Variants in SPON1 observed in about 807,000 individuals in gnomAD.
The protein encoded by SPON1 is spondin 1.
Under a neutral mutation model 111.7 loss-of-function variants are expected in SPON1, and 52 were observed. The ratio of observed to expected loss-of-function variants is 0.47; its 90% CI spans 0.37 to 0.59. The LOEUF is 0.59. Among genes scored for constraint, SPON1 ranks in the 20% least tolerant of loss-of-function variants. The probability of loss-of-function intolerance (pLI) is 0.00; values close to 1 mark genes in which losing one functional copy is unlikely to be tolerated. For missense variants in SPON1, 957 were observed against 1,068.5 expected (o/e 0.90, Z 1.46); for synonymous variants, 410 against 395.8 (o/e 1.04, Z -0.43).
chr11:14,156,755 C>A (rs1210959853), intron 6 of SPON1, among the ~76,000 whole-genome samples: 1 of 152,060 alleles, frequency 6.6e-6, no homozygotes, highest in Non-Finnish European at 1.5e-5. Flanking sequence ...ATAGGGAATC[C>A]TTTCCCCATT....
intron 15 of SPON1, 78 bp downstream of exon 15, chr11:14,263,053 T>TAAAAAAA: frequency 7.4e-6 from 7 of 952,286 alleles, no homozygotes; most frequent in Admixed American, 3.4e-5. Flanking sequence ...TGGACCTGTT[T>TAAAAAAA]AAAAAAAAAA....
intron 6 of SPON1, among the ~76,000 whole-genome samples, chr11:14,154,149 G>C (rs1847815695): frequency 6.6e-6 from 1 of 152,154 alleles, no homozygotes; most frequent in Non-Finnish European, 1.5e-5. Flanking sequence ...CTACCATTCT[G>C]GGGTCTGGAG....
intron 5 of SPON1, among the ~76,000 whole-genome samples, chr11:14,108,011 A>G (rs934135342): frequency 2.0e-5 from 3 of 151,954 alleles, no homozygotes; most frequent in Admixed American, 2.0e-4. Context: ...CACCTATCTC[A>G]TGAAGCAGTT....
Position 14,259,477 on chromosome 11 carries a change from C to G in SPON1, c.1663+27C>G. 1 of 1,591,692 alleles carries G rather than the reference C, an allele frequency of 6.3e-7. No individual in the cohort carries two copies. Among genetic ancestry groups the G allele is most frequent in the Non-Finnish European group, 8.6e-7 (1 of 1,169,184 alleles). ...TGAGTGGGGGCCCCGGGCGGGCAGG[C>G]GGGCAAGTAGGTCGGGGAGGCAGCA... On this transcript the variant is annotated intron_variant, in intron 12 of 15. Transcript: ENST00000576479. This position sits in a 1 kb window ranked among gnomAD's most constrained non-coding sequence, Gnocchi z 5.0.
At chr11:14,243,156 G>A (rs530576197) in intron 6 of SPON1, among the ~76,000 whole-genome samples, 176 bp from the exon 7 acceptor site, 141 of 152,278 alleles carry the variant, frequency 9.3e-4, no homozygotes, top group Non-Finnish European at 7.8e-4. Context: ...CCCCTCTCCC[G>A]GTATCACTGA....
At chr11:13,985,176 G>T (rs1342442610) in intron 2 of SPON1, among the ~76,000 whole-genome samples, 1 of 152,210 alleles carries the variant, frequency 6.6e-6, no homozygotes, top group Admixed American at 6.5e-5. Context: ...ATTCTAATGA[G>T]ACATAGACCA....
chr11:14,139,709 AAT>A (rs57464043), intron 6 of SPON1, among the ~76,000 whole-genome samples: 9 of 145,446 alleles, frequency 6.2e-5, no homozygotes, highest in African/African-American at 1.0e-4. Context: ...AAACATGTAA[AAT>A]ATATATATAT....
chr11:14,009,122 C>A (rs1455100104), intron 2 of SPON1, among the ~76,000 whole-genome samples: 1 of 152,210 alleles, frequency 6.6e-6, no homozygotes, highest in Admixed American at 6.5e-5. Context: ...TAGTTCCATT[C>A]ATGTGTTCCC....
At chr11:14,091,626 G>A (rs943974117) in intron 5 of SPON1, among the ~76,000 whole-genome samples, 4 of 152,264 alleles carry the variant, frequency 2.6e-5, no homozygotes, top group East Asian at 1.9e-4. Flanking sequence ...CTCCGAGTGC[G>A]GAGCCCGCCA....
chr11:14,211,713 A>C (rs1295385219), intron 6 of SPON1, among the ~76,000 whole-genome samples: 7 of 152,186 alleles, frequency 4.6e-5, no homozygotes, highest in Admixed American at 6.5e-5. Context: ...ATATATGAAA[A>C]CATGGTGTAT....
intron 5 of SPON1, among the ~76,000 whole-genome samples, chr11:14,081,639 G>T (rs1564900563): frequency 6.6e-6 from 1 of 151,968 alleles, no homozygotes; most frequent in Non-Finnish European, 1.5e-5. Context: ...TCTGTTCATT[G>T]TCTGTTTTGT....
chr11:14,082,752 G>A (rs1300107758), intron 5 of SPON1, among the ~76,000 whole-genome samples: 3 of 152,204 alleles, frequency 2.0e-5, no homozygotes, highest in East Asian at 3.8e-4. Flanking sequence ...ATTTCTATCA[G>A]TCTTAAGTAA....
At chr11:14,119,378 C>T (rs1248885587) in intron 5 of SPON1, among the ~76,000 whole-genome samples, 2 of 152,080 alleles carry the variant, frequency 1.3e-5, no homozygotes, top group African/African-American at 4.8e-5. Context: ...TAGAATGAGT[C>T]CAGAATTGTC....
intron 6 of SPON1, among the ~76,000 whole-genome samples, chr11:14,147,585 T>C (rs534716087): frequency 6.6e-6 from 1 of 151,600 alleles, no homozygotes; most frequent in African/African-American, 2.4e-5. Flanking sequence ...CCTGGCTAAT[T>C]TTTATAGTTT....
rs552133613 is a variant in SPON1, at chr11:14,239,579, G to A, written c.826-3753G>A. Among the ~76,000 whole-genome samples the A allele has an allele frequency of 3.3e-5, 5 of 152,270 alleles. No homozygotes were observed. The East Asian group carries it at 9.7e-4, about 29-fold the overall frequency. ...CATCTCTACAAAAATACAAAAATTA[G>A]CCATGAGTAGTGGTGCACACCTGTA... On this transcript the variant is annotated intron_variant, in intron 6 of 15. Coordinates refer to ENST00000576479, the MANE Select transcript of SPON1 (RefSeq NM_006108.4).
At chr11:14,236,618 G>C (rs1160692563) in intron 6 of SPON1, among the ~76,000 whole-genome samples, 1 of 152,178 alleles carries the variant, frequency 6.6e-6, no homozygotes, top group African/African-American at 2.4e-5. Flanking sequence ...AAGGGAGTGT[G>C]GATAAAAGAG....
intron 6 of SPON1, among the ~76,000 whole-genome samples, chr11:14,153,976 A>G (rs1197408545): frequency 6.6e-6 from 1 of 152,194 alleles, no homozygotes; most frequent in Non-Finnish European, 1.5e-5. Context: ...CTTAGACTCC[A>G]TGTCTCACAT....
chr11:14,130,878 G>A (rs1260960264), intron 5 of SPON1, among the ~76,000 whole-genome samples: 4 of 150,992 alleles, frequency 2.6e-5, no homozygotes, highest in South Asian at 2.1e-4. Context: ...CATAAAAAAT[G>A]CCTTCCTTTT....
At chr11:14,069,600 C>G (rs1441214254) in intron 3 of SPON1, among the ~76,000 whole-genome samples, 4 of 152,098 alleles carry the variant, frequency 2.6e-5, no homozygotes, top group African/African-American at 9.7e-5. Flanking sequence ...CACCCACTAG[C>G]ATAGGAGCTC....
Sources: gnomAD v4.1 joint callset for allele counts (sites outside exome capture counted in the v4.1 genomes callset) on GRCh38, gnomAD v4.1.1 for gene constraint, Gnocchi (gnomAD v3.1) non-coding constraint, MANE v1.5 for transcripts, NCBI Gene and HGNC (gene_info 2026-07-23, HGNC 2026-07-21) for gene names.